The following CHRM3 variants were observed in gnomAD, a reference collection of about 807,000 sequenced individuals.
The protein encoded by CHRM3 is cholinergic receptor muscarinic 3, also known as muscarinic acetylcholine receptor M3.
In CHRM3, 11 loss-of-function variants were observed where a neutral mutation model predicts 41.8. The ratio of observed to expected loss-of-function variants is 0.26; its 90% CI spans 0.17 to 0.44. The LOEUF is 0.44. Ranked by LOEUF, CHRM3 falls within the 20% of genes least tolerant of loss-of-function variation. The pLI is 1.00. For synonymous variants in CHRM3, 297 were observed against 301.4 expected, an observed-to-expected ratio of 0.99 and a Z score of 0.15; for missense variants, 571 against 745.4, an observed-to-expected ratio of 0.77 and a Z score of 2.72.
At chr1:239,557,836 A>G (rs552572785) in intron 3 of CHRM3, among the ~76,000 whole-genome samples, 2 of 152,278 alleles carry the variant, frequency 1.3e-5, no homozygotes, top group Admixed American at 6.5e-5. Flanking sequence ...AGGGCTGCAT[A>G]GTATTCCATG....
intron 6 of CHRM3, among the ~76,000 whole-genome samples, chr1:239,873,306 C>A (rs1676751709): frequency 6.6e-6 from 1 of 152,070 alleles, no homozygotes; most frequent in African/African-American, 2.4e-5. Context: ...TTCCTGAATT[C>A]CCACACAGGG....
intron 5 of CHRM3, among the ~76,000 whole-genome samples, chr1:239,813,916 CAAAA>C (rs67147618): frequency 1.9e-5 from 2 of 103,244 alleles, no homozygotes; most frequent in African/African-American, 1.0e-4. Context: ...GACTCCGTCT[CAAAA>C]AAAAAAAAAA....
chr1:239,446,082 G>A (rs1054156061), intron 1 of CHRM3, among the ~76,000 whole-genome samples: 9 of 152,030 alleles, frequency 5.9e-5, no homozygotes, highest in Non-Finnish European at 1.3e-4. Context: ...AACTACAGGT[G>A]TGCACCACCA....
At chr1:239,783,851 T>C (rs1668689699) in intron 5 of CHRM3, among the ~76,000 whole-genome samples, 2 of 152,158 alleles carry the variant, frequency 1.3e-5, no homozygotes, top group African/African-American at 4.8e-5. Flanking sequence ...TTCCACCCTT[T>C]CCCCACTTCC....
intron 3 of CHRM3, among the ~76,000 whole-genome samples, chr1:239,585,528 A>G (rs566315588): frequency 1.3e-5 from 2 of 152,310 alleles, no homozygotes; most frequent in South Asian, 4.1e-4. Flanking sequence ...TCATGTTGTC[A>G]TAAAGGGCAA....
chr1:239,522,238 G>A (rs962978331), intron 2 of CHRM3, among the ~76,000 whole-genome samples: 3 of 152,144 alleles, frequency 2.0e-5, no homozygotes, highest in African/African-American at 7.2e-5. Flanking sequence ...TGTAATTAGG[G>A]AGTTGTAGAT....
intron 6 of CHRM3, among the ~76,000 whole-genome samples, chr1:239,839,410 G>A (rs111916047): frequency 3.1e-4 from 47 of 152,322 alleles, no homozygotes; most frequent in African/African-American, 9.4e-4. Flanking sequence ...ACAGATCTCT[G>A]TTGGGCTTTT....
At chr1:239,495,375 A>G (rs1212276008) in intron 2 of CHRM3, among the ~76,000 whole-genome samples, 2 of 152,162 alleles carry the variant, frequency 1.3e-5, no homozygotes, top group Non-Finnish European at 2.9e-5. Flanking sequence ...CTCTTGCTTT[A>G]TCTATCTTCC....
chr1:239,873,159 A>G (rs980516265), intron 6 of CHRM3, among the ~76,000 whole-genome samples: 2 of 152,088 alleles, frequency 1.3e-5, no homozygotes, highest in African/African-American at 2.4e-5. Context: ...TACTGTGTCT[A>G]TCTGAACACA....
chr1:239,431,814 C>A (rs1416797541), intron 1 of CHRM3, among the ~76,000 whole-genome samples: 1 of 152,156 alleles, frequency 6.6e-6, no homozygotes, highest in Admixed American at 6.5e-5. Flanking sequence ...AGACTCGAAT[C>A]CTAAACTAAT....
At chr1:239,516,207 A>T (rs980835440) in intron 2 of CHRM3, among the ~76,000 whole-genome samples, 2 of 152,188 alleles carry the variant, frequency 1.3e-5, no homozygotes, top group African/African-American at 4.8e-5. Flanking sequence ...GAGGGGTACT[A>T]TTCCCAGGAG....
rs116496805 is a variant in CHRM3 at position 239,487,063 on chromosome 1, T to C, written c.-520-5646T>C. ...AGCTGATGCAGAACATATTAAATTC[T>C]TGTTATATTTATGCTATTCTTTCTT... On this transcript the variant is annotated intron_variant, in intron 1 of 6. Transcript: ENST00000676153. Among the ~76,000 whole-genome samples, 489 of 152,334 alleles carry C rather than the reference T, an allele frequency of 3.2e-3. 2 individuals are homozygous for C. Among genetic ancestry groups the C allele is most frequent in the African/African-American group, 0.011 (467 of 41,578 alleles).
At chr1:239,396,092 G>T (rs1029304227) in intron 1 of CHRM3, among the ~76,000 whole-genome samples, 1 of 152,046 alleles carries the variant, frequency 6.6e-6, no homozygotes, top group African/African-American at 2.4e-5. Context: ...CATCATCAGG[G>T]ATCCAAATTT....
At chr1:239,422,590 T>C (rs552841350) in intron 1 of CHRM3, among the ~76,000 whole-genome samples, 4 of 152,082 alleles carry the variant, frequency 2.6e-5, no homozygotes, top group South Asian at 4.2e-4. Context: ...GGTCAGGAGA[T>C]AGAGACCACC....
intron 5 of CHRM3, among the ~76,000 whole-genome samples, chr1:239,733,963 T>G (rs893908586): frequency 6.6e-6 from 1 of 152,106 alleles, no homozygotes; most frequent in Non-Finnish European, 1.5e-5. Context: ...TACTTAAGAA[T>G]TTTTTAAAGG....
At chr1:239,591,888 G>T (rs1384405419) in intron 3 of CHRM3, among the ~76,000 whole-genome samples, 1 of 152,132 alleles carries the variant, frequency 6.6e-6, no homozygotes, top group Non-Finnish European at 1.5e-5. Flanking sequence ...TCCTCAGGAG[G>T]GAAAGTAATA....
At chr1:239,491,440 G>C (rs1390239554) in intron 1 of CHRM3, among the ~76,000 whole-genome samples, 1 of 152,174 alleles carries the variant, frequency 6.6e-6, no homozygotes, top group African/African-American at 2.4e-5. Context: ...ACAGCATGTG[G>C]TGTTTATGTC....
At position 239,777,562 on chromosome 1, in the gene CHRM3, A is replaced by C. The variant is rs1668191649; in HGVS notation, c.-146-49690A>C. 3.3e-5 allele frequency among the ~76,000 whole-genome samples: 5 copies of C among 152,202 alleles called. No homozygotes were observed. In the South Asian group the frequency reaches 1.0e-3, roughly 32 times the overall value. On this transcript the variant is annotated intron_variant, in intron 5 of 6. Coordinates refer to ENST00000676153, the MANE Select transcript of CHRM3 (RefSeq NM_001375978.1). ...TCTAGGTAAATAAACATTAAGTCTCACATTTGAGCCAGGAACAAAGTTTCT... is the reference window on the plus strand; with the variant it reads ...TCTAGGTAAATAAACATTAAGTCTCCCATTTGAGCCAGGAACAAAGTTTCT...
In CHRM3 at chr1:239,910,614, C is replaced by T. The variant is rs183154605; in HGVS notation, c.*1390C>T. The T allele has an allele frequency of 6.0e-6, 1 of 166,394 alleles. No individual in the cohort carries two copies. The highest frequency in any genetic ancestry group is 2.4e-5 in the African/African-American group (1 of 41,290). The allele number at this position is 166,394 out of a possible 1,614,324, so 10.3% of individuals were successfully genotyped here. ...AAAAAAAATTGTTTTTTTGCATTCT[C>T]CCTTGAATTGACCAAAATGTTAACT... On this transcript the variant is annotated 3_prime_UTR_variant, in exon 7 of 7. Transcript: ENST00000676153.
Sources: allele counts gnomAD v4.1 joint callset (sites outside exome capture counted in the v4.1 genomes callset), GRCh38; gene constraint gnomAD v4.1.1; transcripts MANE v1.5; gene names NCBI Gene and HGNC (gene_info 2026-07-23, HGNC 2026-07-21).